OSMR: variants seen among roughly 807,000 people sequenced by gnomAD.
OSMR encodes the protein oncostatin M receptor.
Under a neutral mutation model 99.9 loss-of-function variants are expected in OSMR, and 81 were observed. That is an observed-to-expected ratio of 0.81 (90% confidence interval 0.68 to 0.97). The LOEUF is 0.97. OSMR is among the 50% of genes least tolerant of loss of function. The pLI is 0.00. For missense variants in OSMR, 1,099 were observed against 1,153.4 expected (o/e 0.95, Z 0.68); for synonymous variants, 406 against 410.4 (o/e 0.99, Z 0.13).
chr5:38,906,757 GATT>G (rs1382073228), intron 9 of OSMR, among the ~76,000 whole-genome samples: 1 of 152,136 alleles, frequency 6.6e-6, no homozygotes, highest in African/African-American at 2.4e-5. Context: ...AGGCAAAAAA[GATT>G]ATATTTTTAT....
At chr5:38,875,226 G>T (rs1742720495) in intron 2 of OSMR, among the ~76,000 whole-genome samples, 1 of 152,132 alleles carries the variant, frequency 6.6e-6, no homozygotes, top group Non-Finnish European at 1.5e-5. Flanking sequence ...GTTTACTTCT[G>T]ATACCCTCAC....
At chr5:38,862,144 G>A (rs1167532687) in intron 1 of OSMR, among the ~76,000 whole-genome samples, 3 of 135,610 alleles carry the variant, frequency 2.2e-5, no homozygotes, top group African/African-American at 8.4e-5. Flanking sequence ...GCCGGGCAGA[G>A]GGGCTCCTCA....
chr5:38,917,782 A>G (rs941335340), intron 10 of OSMR, among the ~76,000 whole-genome samples, 160 bp downstream of exon 10: 1 of 151,878 alleles, frequency 6.6e-6, no homozygotes, highest in Non-Finnish European at 1.5e-5. Context: ...GAGGAATCCC[A>G]CTCCACTCCT....
intron 7 of OSMR, chr5:38,903,627 C>A: frequency 3.6e-6 from 1 of 276,426 alleles, no homozygotes; most frequent in Non-Finnish European, 5.5e-6. Flanking sequence ...TCCCAATTTG[C>A]CTACTTGTGT....
intron 1 of OSMR, among the ~76,000 whole-genome samples, chr5:38,857,438 C>G (rs1740939660): frequency 7.0e-6 from 1 of 143,186 alleles, no homozygotes; most frequent in African/African-American, 2.6e-5. Flanking sequence ...AAACTATTTC[C>G]TCTAGAATTA....
At chr5:38,893,803 C>G (rs1186520430) in intron 7 of OSMR, among the ~76,000 whole-genome samples, 1 of 152,076 alleles carries the variant, frequency 6.6e-6, no homozygotes, top group Non-Finnish European at 1.5e-5. Context: ...GAGGTAGACA[C>G]CCAGATACAA....
chr5:38,899,405 C>G (rs1380384485), intron 7 of OSMR, among the ~76,000 whole-genome samples: 1 of 152,122 alleles, frequency 6.6e-6, no homozygotes, highest in African/African-American at 2.4e-5. Flanking sequence ...ACCCCAAGAG[C>G]CCACTTGTGC....
intron 7 of OSMR, among the ~76,000 whole-genome samples, chr5:38,897,487 G>T (rs1744596755): frequency 6.6e-6 from 1 of 151,950 alleles, no homozygotes; most frequent in South Asian, 2.1e-4. Context: ...AGTATCAGTT[G>T]TAATATCTCC....
intron 9 of OSMR, among the ~76,000 whole-genome samples, chr5:38,907,939 G>C (rs1745346096): frequency 6.6e-6 from 1 of 152,072 alleles, no homozygotes; most frequent in African/African-American, 2.4e-5. Flanking sequence ...TGCCTCCCCT[G>C]GTGCTTCCAT....
At chr5:38,873,084 C>G (rs1396541123) in intron 2 of OSMR, among the ~76,000 whole-genome samples, 1 of 152,240 alleles carries the variant, frequency 6.6e-6, no homozygotes, top group Admixed American at 6.5e-5. Context: ...ACTGCTTAAG[C>G]AGTTAGTCTT....
intron 1 of OSMR, among the ~76,000 whole-genome samples, chr5:38,861,276 C>A (rs1741277356): frequency 6.6e-6 from 1 of 152,008 alleles, no homozygotes; most frequent in African/African-American, 2.4e-5. Context: ...GGGCCTTCCG[C>A]AGTGTTTGTG....
intron 1 of OSMR, among the ~76,000 whole-genome samples, chr5:38,861,449 G>C (rs1006880505): frequency 1.3e-5 from 2 of 152,164 alleles, no homozygotes; most frequent in Admixed American, 6.5e-5. Context: ...TAAGGTCACC[G>C]ATCAACAGGA....
intron 4 of OSMR, 58 bp from the exon 5 acceptor site, chr5:38,883,769 T>C (rs1175388229): frequency 1.2e-6 from 2 of 1,610,982 alleles, no homozygotes; most frequent in Admixed American, 3.3e-5. Flanking sequence ...GGATAACTTG[T>C]TTTAAGAGGC....
chr5:38,918,977 T>C lies in OSMR; in HGVS notation c.1500T>C (p.Cys500=). Residue 500 remains cysteine, a synonymous_variant, in exon 11 of 18, where the codon TGT becomes TGC. Transcript: ENST00000274276. ...GCACAAAACTAATCCTTGACAGGTGTTCCTACCAAATCTGCGTCATAGCCA... is the reference window on the plus strand; with the variant it reads ...GCACAAAACTAATCCTTGACAGGTGCTCCTACCAAATCTGCGTCATAGCCA... ...ANSTKLILDR[C]SYQICVIANN... 6 of 1,614,196 alleles carry C rather than the reference T, an allele frequency of 3.7e-6. No individual in the cohort carries two copies. In the South Asian group the frequency reaches 6.6e-5, roughly 18 times the overall value.
In OSMR at chr5:38,886,058, C is replaced by G. The variant is rs1053939889; in HGVS notation, c.859C>G (p.Leu287Val). ...LFESFSGEKKLCTHKNWCNWQ... is the reference protein window; with the variant it reads ...LFESFSGEKKVCTHKNWCNWQ... Reference sequence around the variant, plus strand: ...TTAAAGATTTTCTGGGGAAAAGAAACTTTGTACACACAAAAACTGGTGTAA... The same window carrying G: ...TTAAAGATTTTCTGGGGAAAAGAAAGTTTGTACACACAAAAACTGGTGTAA... The change falls in exon 7 of 18, where the codon CTT becomes GTT. Residue 287 changes from leucine to valine, a missense_variant. Coordinates refer to ENST00000274276, the MANE Select transcript of OSMR (RefSeq NM_003999.3). 1 of 1,613,446 alleles carries G rather than the reference C, an allele frequency of 6.2e-7. No individual in the cohort carries two copies.
chr5:38,865,888 G>A (rs1442583750), intron 1 of OSMR, among the ~76,000 whole-genome samples: 1 of 152,240 alleles, frequency 6.6e-6, no homozygotes, highest in African/African-American at 2.4e-5. Context: ...TGCTGGTGGT[G>A]GCTGTGATGG....
At chr5:38,936,113 C>T (rs1258761765), downstream of OSMR, among the ~76,000 whole-genome samples, 1 of 152,086 alleles carries the variant, frequency 6.6e-6, no homozygotes, top group Non-Finnish European at 1.5e-5. Context: ...TAATAATGGA[C>T]AATTTCAAAT....
chr5:38,862,472 C>A (rs1248712143), intron 1 of OSMR, among the ~76,000 whole-genome samples: 1 of 151,026 alleles, frequency 6.6e-6, no homozygotes, highest in African/African-American at 2.4e-5. Context: ...AGACGCTCCT[C>A]ACTTCCCAGA....
intron 15 of OSMR, among the ~76,000 whole-genome samples, chr5:38,926,022 G>A (rs1404148303): frequency 2.6e-5 from 4 of 152,204 alleles, no homozygotes; most frequent in African/African-American, 9.6e-5. Context: ...GAGAAAAACA[G>A]TAAGAACTGG....
Sources: allele counts gnomAD v4.1 joint callset (sites outside exome capture counted in the v4.1 genomes callset), GRCh38; gene constraint gnomAD v4.1.1; transcripts MANE v1.5; gene names NCBI Gene and HGNC (gene_info 2026-07-23, HGNC 2026-07-21).